The following SLIT3 variants were observed in gnomAD, a reference collection of about 807,000 sequenced individuals.
The protein encoded by SLIT3 is slit guidance ligand 3, also known as slit homolog 3 protein.
In SLIT3, 68 loss-of-function variants were observed where a neutral mutation model predicts 184.0. The ratio of observed to expected loss-of-function variants is 0.37; its 90% CI spans 0.30 to 0.45. The LOEUF (loss-of-function observed/expected upper bound fraction) is 0.45, where lower values mean the gene tolerates loss of function less well. SLIT3 is among the 20% of genes least tolerant of loss of function. The pLI, the probability that SLIT3 is intolerant of heterozygous loss-of-function variation, is 1.00. For synonymous variants in SLIT3, 831 were observed against 828.6 expected, an observed-to-expected ratio of 1.00 and a Z score of -0.05; for missense variants, 1,707 against 2,026.0, an observed-to-expected ratio of 0.84 and a Z score of 3.02.
chr5:169,278,105 G>A lies in SLIT3; in HGVS notation c.197+22408C>T, dbSNP rs1216091167. On this transcript the variant is annotated intron_variant, in intron 1 of 35. Coordinates refer to ENST00000519560, the MANE Select transcript of SLIT3 (RefSeq NM_003062.4). Reference sequence around the variant, plus strand: ...ACAATATTGTAATATTCCTTTGGATGTGATGTCCTGCTCAACTTTTCCCTG... The same window carrying A: ...ACAATATTGTAATATTCCTTTGGATATGATGTCCTGCTCAACTTTTCCCTG... Among the ~76,000 whole-genome samples the A allele has an allele frequency of 2.6e-5, 4 of 152,290 alleles. No homozygotes were observed. The South Asian group carries it at 6.2e-4, about 24-fold the overall frequency.
intron 3 of SLIT3, among the ~76,000 whole-genome samples, chr5:169,244,319 G>A (rs373601442): frequency 2.0e-5 from 3 of 152,216 alleles, no homozygotes; most frequent in Admixed American, 6.5e-5. Flanking sequence ...GCTTCTGCCC[G>A]TGCAGAGGAC....
At chr5:169,134,751 C>A (rs1761437431) in intron 4 of SLIT3, among the ~76,000 whole-genome samples, 1 of 152,114 alleles carries the variant, frequency 6.6e-6, no homozygotes, top group African/African-American at 2.4e-5. Context: ...AAGTATAATA[C>A]TAATAATAAA....
At chr5:168,791,227 G>A (rs1429522821) in intron 10 of SLIT3, 1 of 152,196 alleles carries the variant, frequency 6.6e-6, no homozygotes, top group African/African-American at 2.4e-5. Flanking sequence ...CCCTGATTAT[G>A]AATTGTCCCT....
intron 29 of SLIT3, among the ~76,000 whole-genome samples, chr5:168,689,699 T>C (rs976062704): frequency 6.6e-6 from 1 of 152,206 alleles, no homozygotes; most frequent in African/African-American, 2.4e-5. Context: ...AGAGGGAACG[T>C]ACAAGGAGAA....
chr5:169,161,308 CCT>C (rs1762470489), intron 4 of SLIT3, among the ~76,000 whole-genome samples: 1 of 152,202 alleles, frequency 6.6e-6, no homozygotes. Context: ...CACTGCCTGC[CCT>C]CTCAGCTTCA....
rs141341071 is a variant in SLIT3, at chr5:168,770,218, C to T, written c.1459+2563G>A. On this transcript the variant is annotated intron_variant, in intron 14 of 35. Coordinates refer to ENST00000519560, the MANE Select transcript of SLIT3 (RefSeq NM_003062.4). ...CCTAAACTGATCTTGCTGCCCAAGG[C>T]GGCGGATGCAGCTGATAGAGAGAGG... Among the ~76,000 whole-genome samples, 405 of 152,264 alleles carry T rather than the reference C, an allele frequency of 2.7e-3. 12 individuals carry two copies. The South Asian group carries it at 0.031, about 12-fold the overall frequency.
rs527511341 is a variant in SLIT3 at position 168,740,867 on chromosome 5, G to A, written c.2270+7435C>T. Among the ~76,000 whole-genome samples the A allele has an allele frequency of 6.6e-5, 10 of 152,258 alleles. No individual in the cohort carries two copies. In the East Asian group the frequency reaches 9.7e-4, roughly 15 times the overall value. Reference sequence around the variant, plus strand: ...TGGGGAAAAGCATTCACGGGCTATCGTCATGGCATTTCTGTCCTTTGACAT... The same window carrying A: ...TGGGGAAAAGCATTCACGGGCTATCATCATGGCATTTCTGTCCTTTGACAT... On this transcript the variant is annotated intron_variant, in intron 20 of 35. Transcript: ENST00000519560.
chr5:168,667,744 G>T (rs539830297), intron 35 of SLIT3: 1 of 152,358 alleles, frequency 6.6e-6, no homozygotes, highest in Admixed American at 6.5e-5. Flanking sequence ...CACCAGAGGC[G>T]ATTGTGAAGG....
rs1482684187 is a variant in SLIT3, at chr5:168,895,869, A to G, written c.414-12533T>C. On this transcript the variant is annotated intron_variant, in intron 4 of 35. Transcript: ENST00000519560. ...ATTAATCCCAGACCTGCTTCTGGCC[A>G]TTAAGCCTGAAAGGCACTAGACAAG... 1.2e-4 allele frequency among the ~76,000 whole-genome samples: 4 copies of G among 34,668 alleles called. No homozygotes were observed. The Admixed American group carries it at 1.6e-3, about 14-fold the overall frequency. The allele number at this position is 34,668 out of a possible 152,430, so 22.7% of individuals were successfully genotyped here.
At chr5:169,155,104 T>C (rs927157444) in intron 4 of SLIT3, among the ~76,000 whole-genome samples, 1 of 152,202 alleles carries the variant, frequency 6.6e-6, no homozygotes, top group African/African-American at 2.4e-5. Flanking sequence ...GTGTGCACAA[T>C]AAGTTGCAGT....
At chr5:168,848,852 C>T (rs1295975640) in intron 5 of SLIT3, among the ~76,000 whole-genome samples, 2 of 152,180 alleles carry the variant, frequency 1.3e-5, no homozygotes, top group African/African-American at 4.8e-5. Context: ...TAATATACTC[C>T]TATTATCACA....
At chr5:169,264,110 C>T (rs982546751) in intron 1 of SLIT3, among the ~76,000 whole-genome samples, 1 of 151,946 alleles carries the variant, frequency 6.6e-6, no homozygotes, top group Non-Finnish European at 1.5e-5. Flanking sequence ...AAGACTCTCC[C>T]CATAGATAAA....
chr5:169,191,812 A>G (rs757483175), intron 4 of SLIT3, among the ~76,000 whole-genome samples: 3 of 152,144 alleles, frequency 2.0e-5, no homozygotes, highest in Non-Finnish European at 2.9e-5. Context: ...CCTGATAGCC[A>G]TGGGAAGGTT....
At chr5:169,033,892 AACCTCCAC>A (rs1354372999) in intron 4 of SLIT3, among the ~76,000 whole-genome samples, 12 of 147,366 alleles carry the variant, frequency 8.1e-5, no homozygotes, top group African/African-American at 3.0e-4. Context: ...GGCTCACTGC[AACCTCCAC>A]CTCCCGGGTT....
At chr5:169,006,508 T>G (rs1406214629) in intron 4 of SLIT3, among the ~76,000 whole-genome samples, 1 of 152,044 alleles carries the variant, frequency 6.6e-6, no homozygotes, top group Non-Finnish European at 1.5e-5. Context: ...GAGGGTTTTG[T>G]TTTTTAAACA....
intron 3 of SLIT3, among the ~76,000 whole-genome samples, chr5:169,212,802 A>G (rs953465181): frequency 3.9e-5 from 6 of 152,114 alleles, no homozygotes; most frequent in African/African-American, 1.4e-4. Context: ...TAAGTCTTTA[A>G]TCCATCTTAA....
Position 169,292,642 on chromosome 5 carries a change from A to G in SLIT3, c.197+7871T>C, listed in dbSNP as rs976574206. Among the ~76,000 whole-genome samples the G allele has an allele frequency of 2.0e-5, 3 of 152,272 alleles. No individual in the cohort carries two copies. In the East Asian group the frequency reaches 5.8e-4, roughly 29 times the overall value. On this transcript the variant is annotated intron_variant, in intron 1 of 35. Transcript: ENST00000519560. ...ATATTGACAACTTGGATAAAGATCC[A>G]TAGGGCAAGCTCATTAAAATTGCAG...
At chr5:168,784,871 A>T (rs1344609757) in intron 12 of SLIT3, among the ~76,000 whole-genome samples, 1 of 144,086 alleles carries the variant, frequency 6.9e-6, no homozygotes. Flanking sequence ...TTAAAAAGAC[A>T]CACACACACA....
Position 168,685,849 on chromosome 5 carries a change from C to T in SLIT3, c.3393G>A (p.Gly1131=), listed in dbSNP as rs1185054300. The change falls in exon 31 of 36, where the codon GGG becomes GGA. Residue 1131 remains glycine (G), a synonymous_variant. Coordinates refer to ENST00000519560, the MANE Select transcript of SLIT3 (RefSeq NM_003062.4). ...SPCDQYECQN[G]AQCIVVQQEP... ...CCTGCTGCACCACGATGCACTGGGC[C>T]CCGTTCTGGCACTCGTACTGGTCGC... The T allele has an allele frequency of 6.2e-7, 1 of 1,613,904 alleles. No homozygotes were observed. Among genetic ancestry groups the T allele is most frequent in the East Asian group, 2.2e-5 (1 of 44,882 alleles).
Sources: allele counts gnomAD v4.1 joint callset (sites outside exome capture counted in the v4.1 genomes callset), GRCh38; gene constraint gnomAD v4.1.1; transcripts MANE v1.5; gene names NCBI Gene and HGNC (gene_info 2026-07-23, HGNC 2026-07-21).